The following NAV3 variants were observed in gnomAD, a reference collection of about 807,000 sequenced individuals.
The protein encoded by NAV3 is pore membrane and/or filament interacting like protein 1.
Under a neutral mutation model 244.7 loss-of-function variants are expected in NAV3, and 87 were observed. That is an observed-to-expected ratio of 0.36 (90% CI 0.30 to 0.42). The LOEUF is 0.42. NAV3 is among the 20% of genes least tolerant of loss of function. NAV3 has a pLI of 1.00. For synonymous variants in NAV3, 1,126 were observed against 1,042.2 expected (o/e 1.08, Z -1.55); for missense variants, 2,663 against 2,893.3 (o/e 0.92, Z 1.83).
chr12:77,657,842 A>G (rs1170340251), intron 2 of NAV3, among the ~76,000 whole-genome samples: 55 of 152,296 alleles, frequency 3.6e-4, no homozygotes, highest in African/African-American at 1.3e-3. Context: ...TATAAACAGA[A>G]CCAAAGACAA....
chr12:77,763,140 A>G (rs543969605), intron 2 of NAV3, among the ~76,000 whole-genome samples: 2 of 152,304 alleles, frequency 1.3e-5, no homozygotes, highest in South Asian at 4.2e-4. Context: ...TGCCTTCTAC[A>G]TACTGCCTCC....
chr12:77,762,722 T>TG (rs1214236995), intron 2 of NAV3, among the ~76,000 whole-genome samples: 3 of 77,080 alleles, frequency 3.9e-5, no homozygotes, highest in African/African-American at 8.6e-5. Flanking sequence ...TTCATGGGTT[T>TG]TTTGTTGTTG....
chr12:77,795,149 A>G (rs746630076), intron 2 of NAV3, among the ~76,000 whole-genome samples: 1 of 152,190 alleles, frequency 6.6e-6, no homozygotes, highest in African/African-American at 2.4e-5. Flanking sequence ...AAGGAAAATT[A>G]AAGTAATTAA....
chr12:78,196,103 A>G (rs182855651), intron 34 of NAV3, among the ~76,000 whole-genome samples: 3 of 152,200 alleles, frequency 2.0e-5, no homozygotes, highest in African/African-American at 4.8e-5. Context: ...AATTAGTGAC[A>G]TAAATTTTAT....
chr12:78,000,697 G>T (rs1222049276), intron 7 of NAV3, among the ~76,000 whole-genome samples: 3 of 147,550 alleles, frequency 2.0e-5, no homozygotes, highest in Middle Eastern at 7.0e-3. Flanking sequence ...TAGAGACGGG[G>T]TTTCACCGTG....
intron 5 of NAV3, among the ~76,000 whole-genome samples, chr12:77,970,805 G>A (rs1041350981): frequency 3.9e-5 from 6 of 152,070 alleles, no homozygotes; most frequent in African/African-American, 7.2e-5. Flanking sequence ...GCAACAAAGA[G>A]ATGGATTCTG....
intron 2 of NAV3, among the ~76,000 whole-genome samples, chr12:77,574,607 A>G (rs1299044270): frequency 6.6e-6 from 1 of 152,030 alleles, no homozygotes; most frequent in Non-Finnish European, 1.5e-5. Flanking sequence ...GCATTTTTTA[A>G]TATTACTGAA....
At chr12:78,009,515 C>A (rs573226452) in intron 8 of NAV3, among the ~76,000 whole-genome samples, 1 of 145,282 alleles carries the variant, frequency 6.9e-6, no homozygotes, top group African/African-American at 2.5e-5. Flanking sequence ...TACCATTGTT[C>A]AGAAACAGCA....
chr12:77,810,664 G>A (rs1422200218), intron 2 of NAV3, among the ~76,000 whole-genome samples: 1 of 152,050 alleles, frequency 6.6e-6, no homozygotes, highest in Non-Finnish European at 1.5e-5. Context: ...GGTAGTTTTC[G>A]AAAATGCTAA....
chr12:77,989,410 T>A (rs764643206), intron 5 of NAV3, among the ~76,000 whole-genome samples: 19 of 152,178 alleles, frequency 1.2e-4, no homozygotes, highest in Non-Finnish European at 2.1e-4. Context: ...ACCAAACTGT[T>A]TGCCCATTGG....
chr12:78,004,600 G>A (rs1398053098), intron 7 of NAV3, among the ~76,000 whole-genome samples: 1 of 152,170 alleles, frequency 6.6e-6, no homozygotes, highest in Non-Finnish European at 1.5e-5. Context: ...AAATGGCAAC[G>A]ATTATAATTT....
intron 22 of NAV3, among the ~76,000 whole-genome samples, chr12:78,151,070 A>G (rs991488910): frequency 6.6e-6 from 1 of 151,870 alleles, no homozygotes; most frequent in Non-Finnish European, 1.5e-5. Flanking sequence ...ATTTAAAAAA[A>G]AATAAAAATA....
At chr12:77,903,747 T>C (rs1432627281) in intron 1 of NAV3, among the ~76,000 whole-genome samples, 1 of 152,248 alleles carries the variant, frequency 6.6e-6, no homozygotes. Flanking sequence ...CCTACTCATC[T>C]GACAAAGGGC....
intron 2 of NAV3, among the ~76,000 whole-genome samples, chr12:77,748,470 C>A (rs1281757701): frequency 1.3e-5 from 2 of 152,054 alleles, no homozygotes; most frequent in Non-Finnish European, 2.9e-5. Flanking sequence ...TGAATGCTGG[C>A]AAGACATGAA....
At chr12:77,902,919 A>G (rs969354228) in intron 1 of NAV3, among the ~76,000 whole-genome samples, 5 of 152,210 alleles carry the variant, frequency 3.3e-5, no homozygotes, top group African/African-American at 1.2e-4. Context: ...TAAAATACCT[A>G]GGAATCCAAC....
chr12:77,996,278 TG>T (rs1872336142), intron 6 of NAV3, among the ~76,000 whole-genome samples: 1 of 152,174 alleles, frequency 6.6e-6, no homozygotes, highest in Non-Finnish European at 1.5e-5. Flanking sequence ...ATTCATTAGT[TG>T]GGTTCCTTCA....
intron 2 of NAV3, among the ~76,000 whole-genome samples, chr12:77,696,253 G>A (rs1174076225): frequency 6.6e-6 from 1 of 152,170 alleles, no homozygotes; most frequent in Admixed American, 6.6e-5. Context: ...AAAGGGGACA[G>A]TATGCTATTT....
chr12:78,121,853 C>A, intron 15 of NAV3, 87 bp from the exon 16 acceptor site: 1 of 1,521,036 alleles, frequency 6.6e-7, no homozygotes. Context: ...TCAAAGCACA[C>A]TTGGCTCTGT....
intron 2 of NAV3, among the ~76,000 whole-genome samples, chr12:77,640,087 C>G (rs1872340055): frequency 6.6e-6 from 1 of 152,152 alleles, no homozygotes; most frequent in African/African-American, 2.4e-5. Context: ...ATTCTTATAT[C>G]AGACATCTCC....
Sources: allele counts gnomAD v4.1 joint callset (sites outside exome capture counted in the v4.1 genomes callset), GRCh38; gene constraint gnomAD v4.1.1; transcripts MANE v1.5; gene names NCBI Gene and HGNC (gene_info 2026-07-23, HGNC 2026-07-21).